Variants in CDIN1 observed in about 807,000 individuals in gnomAD.
CDIN1 encodes CDAN1 interacting nuclease 1, also known as CDAN1-interacting nuclease 1.
In CDIN1, 33 loss-of-function variants were observed where a neutral mutation model predicts 45.3. The ratio of observed to expected loss-of-function variants is 0.73; its 90% CI spans 0.55 to 0.97. The LOEUF (loss-of-function observed/expected upper bound fraction) is 0.97, where lower values mean the gene tolerates loss of function less well. CDIN1 is among the 50% of genes least tolerant of loss of function. The pLI, the probability that CDIN1 is intolerant of heterozygous loss-of-function variation, is 0.00. For synonymous variants in CDIN1, 118 were observed against 124.4 expected (o/e 0.95, Z 0.34); for missense variants, 303 against 339.4 (o/e 0.89, Z 0.84).
chr15:36,687,137 A>G (rs62002327), intron 5 of CDIN1, among the ~76,000 whole-genome samples: 1 of 152,130 alleles, frequency 6.6e-6, no homozygotes, highest in African/African-American at 2.4e-5. Flanking sequence ...ACTAGAAGGT[A>G]GGGAGAAAAG....
chr15:36,678,531 T>C (rs1463010948), intron 5 of CDIN1, among the ~76,000 whole-genome samples: 1 of 152,168 alleles, frequency 6.6e-6, no homozygotes, highest in Non-Finnish European at 1.5e-5. Flanking sequence ...AGAGTCTGTT[T>C]GTGTGTGTGT....
At chr15:36,599,021 A>G (rs916979718) in intron 1 of CDIN1, among the ~76,000 whole-genome samples, 23 of 151,680 alleles carry the variant, frequency 1.5e-4, no homozygotes, top group Admixed American at 1.3e-3. Flanking sequence ...TTATGCATTC[A>G]GTGAATTCTT....
At chr15:36,741,015 C>A (rs1471592528) in intron 10 of CDIN1, among the ~76,000 whole-genome samples, 2 of 152,124 alleles carry the variant, frequency 1.3e-5, no homozygotes, top group Non-Finnish European at 2.9e-5. Flanking sequence ...TGGCTCACTG[C>A]AGCCTCTAGC....
At chr15:36,700,115 A>C (rs965299638) in intron 8 of CDIN1, among the ~76,000 whole-genome samples, 2 of 152,192 alleles carry the variant, frequency 1.3e-5, no homozygotes, top group African/African-American at 4.8e-5. Flanking sequence ...GCTACCAATG[A>C]ACACAGATAA....
intron 7 of CDIN1, among the ~76,000 whole-genome samples, chr15:36,694,475 A>G (rs2042355017): frequency 1.3e-5 from 2 of 152,200 alleles, no homozygotes; most frequent in South Asian, 4.1e-4. Context: ...TGAAAATGTT[A>G]TGTTTGTGTA....
intron 6 of CDIN1, 118 bp from the exon 7 acceptor site, chr15:36,692,004 GCTTT>G: frequency 1.4e-6 from 1 of 730,068 alleles, no homozygotes; most frequent in Non-Finnish European, 1.9e-6. Flanking sequence ...CCTTTTGATA[GCTTT>G]CTTTTTTTGG....
At chr15:36,620,864 C>T (rs952090588) in intron 1 of CDIN1, among the ~76,000 whole-genome samples, 1 of 151,940 alleles carries the variant, frequency 6.6e-6, no homozygotes, top group Non-Finnish European at 1.5e-5. Context: ...CCTCTTCTTC[C>T]CCCACACCCA....
In CDIN1 at chr15:36,654,018, G is replaced by A; in HGVS notation, c.213-80G>A. 3.9e-6 allele frequency: 4 copies of A among 1,036,038 alleles called. No homozygotes were observed. In the South Asian group the frequency reaches 5.6e-5, roughly 14 times the overall value. 64.2% of individuals were successfully genotyped at this position (1,036,038 alleles called of 1,614,324 possible). The stretch of plus-strand genomic sequence containing the variant: ...CGTGGCATTTGTCCAGGAGAAACAT[G>A]TATACACACAGGGGATGCTGACAAG... On this transcript the variant is annotated intron_variant, in intron 3 of 10. Coordinates refer to ENST00000566621, the MANE Select transcript of CDIN1 (RefSeq NM_001321759.2).
In CDIN1 at chr15:36,607,599, C is replaced by T. The variant is rs867712315; in HGVS notation, c.101+27638C>T. On this transcript the variant is annotated intron_variant, in intron 1 of 10. Coordinates refer to ENST00000566621, the MANE Select transcript of CDIN1 (RefSeq NM_001321759.2). ...TCTCTTTCCCTCCCTCCCTTCCTCC[C>T]TCTTAACTTCCTTTTATTCCTTCTT... 2.0e-5 allele frequency among the ~76,000 whole-genome samples: 3 copies of T among 152,090 alleles called. No homozygotes were observed. In the South Asian group the frequency reaches 6.2e-4, roughly 32 times the overall value.
chr15:36,741,796 A>G (rs924670289), intron 10 of CDIN1, among the ~76,000 whole-genome samples: 1 of 152,158 alleles, frequency 6.6e-6, no homozygotes, highest in East Asian at 1.9e-4. Context: ...GGACACCCTA[A>G]TGACCTCATT....
At chr15:36,598,932 C>T (rs140897344) in intron 1 of CDIN1, among the ~76,000 whole-genome samples, 9 of 152,160 alleles carry the variant, frequency 5.9e-5, no homozygotes, top group African/African-American at 2.2e-4. Context: ...TTGTGAGATC[C>T]TTTGGATGGG....
intron 10 of CDIN1, among the ~76,000 whole-genome samples, chr15:36,798,216 A>G (rs1282930029): frequency 6.6e-6 from 1 of 152,112 alleles, no homozygotes; most frequent in Non-Finnish European, 1.5e-5. Context: ...TTTTAAAAGA[A>G]GTGTTTGTTT....
At chr15:36,645,195 T>C (rs769616600) in intron 2 of CDIN1, 28 bp from the exon 3 acceptor site, 23 of 1,521,282 alleles carry the variant, frequency 1.5e-5, no homozygotes, top group Admixed American at 2.0e-5. Flanking sequence ...TCAAAGATTT[T>C]TTTGTGTTGT....
At chr15:36,742,726 C>T (rs1163531199) in intron 10 of CDIN1, among the ~76,000 whole-genome samples, 1 of 152,192 alleles carries the variant, frequency 6.6e-6, no homozygotes, top group East Asian at 1.9e-4. Context: ...CTGAAGTTCA[C>T]TCATTCACAC....
chr15:36,659,634 T>C (rs1457288527), intron 5 of CDIN1, among the ~76,000 whole-genome samples: 1 of 151,864 alleles, frequency 6.6e-6, no homozygotes, highest in African/African-American at 2.4e-5. Flanking sequence ...GTTTTTTTTT[T>C]TTTTTCCTGA....
chr15:36,709,048 A>G (rs2140828593), intron 8 of CDIN1, 175 bp from the exon 9 acceptor site: 1 of 436,094 alleles, frequency 2.3e-6, no homozygotes, highest in Non-Finnish European at 4.0e-6. Context: ...AAGCATATTT[A>G]CGCTTCAGTG....
At chr15:36,707,973 C>G (rs1306007984) in intron 8 of CDIN1, 1 of 150,818 alleles carries the variant, frequency 6.6e-6, no homozygotes, top group Non-Finnish European at 1.5e-5. Flanking sequence ...GGCACCAATC[C>G]TTCAAAATCT....
intron 1 of CDIN1, among the ~76,000 whole-genome samples, chr15:36,584,650 C>T (rs1165768207): frequency 1.3e-5 from 2 of 152,132 alleles, no homozygotes; most frequent in African/African-American, 4.8e-5. Flanking sequence ...CCTCTGGCAG[C>T]TCAGGCTGCA....
At chr15:36,619,309 T>G (rs1015483475) in intron 1 of CDIN1, 16 of 801,632 alleles carry the variant, frequency 2.0e-5, no homozygotes, top group African/African-American at 5.3e-5. Flanking sequence ...TCTCTTCCCG[T>G]TAAACTTGAG....
Sources: gnomAD v4.1 joint callset for allele counts (sites outside exome capture counted in the v4.1 genomes callset) on GRCh38, gnomAD v4.1.1 for gene constraint, MANE v1.5 for transcripts, NCBI Gene and HGNC (gene_info 2026-07-23, HGNC 2026-07-21) for gene names.